The following KANK1 variants were observed in gnomAD, a reference collection of about 807,000 sequenced individuals.
KANK1 encodes the protein KN motif and ankyrin repeat domains 1.
KANK1 carries 109 observed loss-of-function variants against 106.2 expected under a neutral mutation model. The ratio of observed to expected loss-of-function variants is 1.03; its 90% confidence interval spans 0.88 to 1.20. The LOEUF (loss-of-function observed/expected upper bound fraction) is 1.20, where lower values mean the gene tolerates loss of function less well. KANK1 is among the 50% of genes most tolerant of loss of function. The pLI is 0.00. For missense variants in KANK1, 2,399 were observed against 1,710.7 expected (o/e 1.40, Z -7.10); for synonymous variants, 873 against 652.2 (o/e 1.34, Z -5.16).
intron 2 of KANK1, among the ~76,000 whole-genome samples, chr9:699,132 G>A (rs551282858): frequency 4.6e-5 from 7 of 152,180 alleles, no homozygotes; most frequent in African/African-American, 1.7e-4. Context: ...CTTAGCTACC[G>A]CTCCCTTGAA....
chr9:745,138 T>G (rs755511348), intron 11 of KANK1, 35 bp from the exon 12 acceptor site: 1 of 1,611,328 alleles, frequency 6.2e-7, no homozygotes, highest in East Asian at 2.2e-5. Flanking sequence ...AGGTCACTTA[T>G]TAACCCCCAG....
At chr9:708,470 A>T (rs1337886161) in intron 2 of KANK1, among the ~76,000 whole-genome samples, 1 of 152,226 alleles carries the variant, frequency 6.6e-6, no homozygotes, top group African/African-American at 2.4e-5. Flanking sequence ...TTTCACATAG[A>T]ATTCACTTCC....
In KANK1 at chr9:706,875, A is replaced by G. The variant is rs756929952; in HGVS notation, c.38-3929A>G. On this transcript the variant is annotated intron_variant, in intron 2 of 11. Transcript: ENST00000382297. ...GAGGACACAGACTCTTTCATGAAGC[A>G]GTGACTAGTATAGGAAAAACAGAGC... The G allele has an allele frequency of 1.4e-3, 1,363 of 985,364 alleles. 2 individuals are homozygous for G. Among genetic ancestry groups the G allele is most frequent in the Non-Finnish European group, 1.6e-3 (1,322 of 829,974 alleles). 61.0% of individuals were successfully genotyped at this position (985,364 alleles called of 1,614,324 possible).
At chr9:675,896 A>AG (rs139875114) in intron 1 of KANK1, among the ~76,000 whole-genome samples, 1,987 of 152,294 alleles carry the variant, frequency 0.013, 49 homozygotes, top group African/African-American at 0.046. Flanking sequence ...TTTGCAGGAA[A>AG]GGGGTGGGTA....
At chr9:625,555 C>G (rs1834144403) in intron 1 of KANK1, among the ~76,000 whole-genome samples, 1 of 151,936 alleles carries the variant, frequency 6.6e-6, no homozygotes, top group Non-Finnish European at 1.5e-5. Flanking sequence ...TTCTATATTT[C>G]TACAAACCTT....
chr9:654,063 C>T (rs1367328812), intron 1 of KANK1, among the ~76,000 whole-genome samples: 1 of 152,176 alleles, frequency 6.6e-6, no homozygotes, highest in Non-Finnish European at 1.5e-5. Flanking sequence ...AATTGAGTGG[C>T]TTCTTACCAG....
At chr9:693,519 C>CTT (rs1820488567) in intron 2 of KANK1, 1 of 985,342 alleles carries the variant, frequency 1.0e-6, no homozygotes, top group Non-Finnish European at 1.2e-6. Context: ...TGAGAGAGGG[C>CTT]TTTGCCTCTT....
intron 1 of KANK1, among the ~76,000 whole-genome samples, chr9:592,400 A>C (rs995290553): frequency 6.6e-6 from 1 of 151,868 alleles, no homozygotes; most frequent in Non-Finnish European, 1.5e-5. Flanking sequence ...CTTTGTCATT[A>C]CATCCATACT....
intron 2 of KANK1, chr9:706,734 G>T: frequency 1.0e-6 from 1 of 971,490 alleles, no homozygotes; most frequent in Non-Finnish European, 1.2e-6. Flanking sequence ...CCAGGGCTGA[G>T]AAGAGTCAGG....
At chr9:633,903 A>G (rs1309229622) in intron 1 of KANK1, among the ~76,000 whole-genome samples, 4 of 152,218 alleles carry the variant, frequency 2.6e-5, no homozygotes, top group Non-Finnish European at 4.4e-5. Context: ...CTCTGGCCTC[A>G]GCCTCCCACA....
chr9:502,358 A>G (rs1054546006), upstream of KANK1, among the ~76,000 whole-genome samples: 2 of 152,100 alleles, frequency 1.3e-5, no homozygotes, highest in Non-Finnish European at 2.9e-5. Flanking sequence ...TAAAATAACT[A>G]AATTAAAAAT....
intron 3 of KANK1, among the ~76,000 whole-genome samples, chr9:492,877 A>C (rs1052249974): frequency 2.6e-5 from 4 of 152,016 alleles, no homozygotes; most frequent in African/African-American, 9.7e-5. Context: ...ATACAAAATT[A>C]GCCGGGCGTG....
intron 1 of KANK1, among the ~76,000 whole-genome samples, chr9:608,109 C>T (rs1351071947): frequency 2.1e-5 from 3 of 143,778 alleles, no homozygotes; most frequent in Non-Finnish European, 4.5e-5. Flanking sequence ...GCAATCTCGG[C>T]TCACTGCAAG....
chr9:550,537 G>C (rs939260089), intron 1 of KANK1, among the ~76,000 whole-genome samples: 12 of 152,190 alleles, frequency 7.9e-5, no homozygotes, highest in Non-Finnish European at 1.6e-4. Context: ...TTGAGGTCAG[G>C]AGTTTGAGGC....
At chr9:569,440 G>C (rs1818625618) in intron 1 of KANK1, among the ~76,000 whole-genome samples, 1 of 152,028 alleles carries the variant, frequency 6.6e-6, no homozygotes, top group Non-Finnish European at 1.5e-5. Flanking sequence ...CTTTTAAGAA[G>C]AGGAAGGGAC....
intron 1 of KANK1, among the ~76,000 whole-genome samples, chr9:575,302 C>T (rs542391586): frequency 1.3e-5 from 2 of 152,266 alleles, no homozygotes; most frequent in African/African-American, 4.8e-5. Flanking sequence ...ACAGTATTTG[C>T]CTGAGGTCAG....
chr9:645,126 CAAAA>C (rs56391632), intron 1 of KANK1, among the ~76,000 whole-genome samples: 2 of 71,124 alleles, frequency 2.8e-5, no homozygotes, highest in Admixed American at 1.9e-4. Context: ...TCCATCTCTA[CAAAA>C]AAAAAAAAAA....
At chr9:599,790 A>C (rs538935852) in intron 1 of KANK1, among the ~76,000 whole-genome samples, 1 of 151,876 alleles carries the variant, frequency 6.6e-6, no homozygotes, top group African/African-American at 2.4e-5. Context: ...AGGGCTGGCT[A>C]CAGAACTTCA....
At chr9:484,577 T>C (rs1177668701) in intron 3 of KANK1, 1 of 152,184 alleles carries the variant, frequency 6.6e-6, no homozygotes, top group Non-Finnish European at 1.5e-5. Flanking sequence ...ATCCCTCCTT[T>C]GAAGCCACAG....
Sources: gnomAD v4.1 joint callset for allele counts (sites outside exome capture counted in the v4.1 genomes callset) on GRCh38, gnomAD v4.1.1 for gene constraint, MANE v1.5 for transcripts, NCBI Gene and HGNC (gene_info 2026-07-23, HGNC 2026-07-21) for gene names.